EPS8L2: variants seen among roughly 807,000 people sequenced by gnomAD.
EPS8L2 encodes epidermal growth factor receptor kinase substrate 8-like protein 2.
Under a neutral mutation model 99.4 loss-of-function variants are expected in EPS8L2, and 81 were observed. The observed-to-expected ratio is 0.82, with a 90% CI of 0.68 to 0.98. EPS8L2 has a LOEUF of 0.98. EPS8L2 is among the 50% of genes least tolerant of loss of function. The pLI, the probability that EPS8L2 is intolerant of heterozygous loss-of-function variation, is 0.00. For missense variants in EPS8L2, 1,155 were observed against 968.8 expected, an observed-to-expected ratio of 1.19 and a Z score of -2.55; for synonymous variants, 509 against 407.3, an observed-to-expected ratio of 1.25 and a Z score of -3.01.
At position 721,481 on chromosome 11, in the gene EPS8L2, C is replaced by T. The variant is rs555838923; in HGVS notation, c.769-84C>T. On this transcript the variant is annotated intron_variant, in intron 9 of 20. Transcript: ENST00000318562. ...TCCGAAGGTGTGGGGCCCAGCTCCT[C>T]CCATCATCTGTGGGGCTGTCCCTGC... 2,301 of 1,505,152 alleles carry T rather than the reference C, an allele frequency of 1.5e-3. 2 individuals carry two copies. The highest frequency in any genetic ancestry group is 1.8e-3 in the Non-Finnish European group (2,081 of 1,128,078). The allele number at this position is 1,505,152 out of a possible 1,614,324, so 93.2% of individuals were successfully genotyped here.
rs1194912140 is a variant in EPS8L2, at chr11:724,580, C to G, written c.1455-144C>G. 1.6e-6 allele frequency: 1 copy of G among 634,092 alleles called. No individual in the cohort carries two copies. Among genetic ancestry groups the G allele is most frequent in the Non-Finnish European group, 2.8e-6 (1 of 353,582 alleles). The allele number at this position is 634,092 out of a possible 1,614,324, so 39.3% of individuals were successfully genotyped here. On this transcript the variant is annotated intron_variant, in intron 15 of 20. Transcript: ENST00000318562. This position sits in a 1 kb window ranked among gnomAD's most constrained non-coding sequence, Gnocchi z 5.5. Reference sequence around the variant, plus strand: ...AGTTTCCATTCCGGGCTGACGCTGCCTGCAGCCTCTCTCCACGGTGACCTC... The same window carrying G: ...AGTTTCCATTCCGGGCTGACGCTGCGTGCAGCCTCTCTCCACGGTGACCTC...
Position 725,784 on chromosome 11 carries a change from G to T in EPS8L2, c.1617G>T (p.Gly539=), listed in dbSNP as rs1862297870. Residue 539 remains glycine, a synonymous_variant, in exon 17 of 21, where the codon GGG becomes GGT. Transcript: ENST00000318562. Reference sequence around the variant, plus strand: ...TGCGCAGCCGCAGCGGCCAGGCGGGGTACGTGCCCTGCAACATCCTAGGCG... The same window carrying T: ...TGCGCAGCCGCAGCGGCCAGGCGGGTTACGTGCCCTGCAACATCCTAGGCG... The part of the protein sequence containing the change: ...WKLRSRSGQA[G]YVPCNILGEA... 2.2e-6 allele frequency: 3 copies of T among 1,372,710 alleles called. No individual in the cohort carries two copies. The highest frequency in any genetic ancestry group is 1.5e-5 in the African/African-American group (1 of 66,522). The allele number at this position is 1,372,710 out of a possible 1,614,324, so 85.0% of individuals were successfully genotyped here.
Position 726,161 on chromosome 11 carries a change from A to G in EPS8L2, c.1744A>G (p.Asn582Asp). 6.2e-7 allele frequency: 1 copy of G among 1,607,908 alleles called. No individual in the cohort carries two copies. Among genetic ancestry groups the G allele is most frequent in the Non-Finnish European group, 8.5e-7 (1 of 1,177,818 alleles). ...CAAGCTACCCCCAAGCTTCCCGGGG[A>G]ACAAAGACGGTGAGAGCTGCTGCTT... ...THKLPPSFPG[N>D]KDELMQHMDE... The change falls in exon 18 of 21, where the codon AAC (asparagine) becomes GAC (aspartate). Residue 582 changes from asparagine to aspartate, a missense_variant. Physicochemically the swap from Asn to Asp is conservative, Grantham distance 23 (BLOSUM62 1). Transcript: ENST00000318562.
Position 724,650 on chromosome 11 carries a change from GC to G in EPS8L2, c.1455-68del. On this transcript the variant is annotated intron_variant, in intron 15 of 20. Transcript: ENST00000318562. The surrounding 1 kb of genome is among the most constrained non-coding windows in gnomAD (Gnocchi z 5.5). ...CCAGTCGTGCACCTGGGAAGCTGCT[GC>G]CCCCCAGCCACTGCCCAGGTCTCAG... The G allele has an allele frequency of 9.7e-7, 1 of 1,035,626 alleles. No homozygotes were observed. Among genetic ancestry groups the G allele is most frequent in the South Asian group, 1.3e-5 (1 of 78,638 alleles). 64.2% of individuals were successfully genotyped at this position (1,035,626 alleles called of 1,614,324 possible).
chr11:713,698 C>T (rs1861946076), intron 4 of EPS8L2, among the ~76,000 whole-genome samples: 1 of 152,260 alleles, frequency 6.6e-6, no homozygotes, highest in Non-Finnish European at 1.5e-5. Context: ...GCACGCACCA[C>T]CACACCCAGC....
In EPS8L2 at chr11:720,154, G is replaced by A; in HGVS notation, c.258G>A (p.Lys86=). The part of the protein sequence containing the change: ...RKLVQLSSKE[K]IWTQEMLLQV... Reference sequence around the variant, plus strand: ...TGGTGCAGCTGAGCTCCAAGGAGAAGATCTGGACCCAGGAGATGCTGCTGC... The same window carrying A: ...TGGTGCAGCTGAGCTCCAAGGAGAAAATCTGGACCCAGGAGATGCTGCTGC... The change falls in exon 5 of 21, where the codon AAG becomes AAA. Residue 86 remains lysine, a synonymous_variant. Coordinates refer to ENST00000318562, the MANE Select transcript of EPS8L2 (RefSeq NM_022772.4). 2.5e-6 allele frequency: 4 copies of A among 1,613,494 alleles called. No homozygotes were observed. The highest frequency in any genetic ancestry group is 3.4e-6 in the Non-Finnish European group (4 of 1,179,954).
chr11:710,150 C>T (rs977025920), intron 3 of EPS8L2: 1 of 465,040 alleles, frequency 2.2e-6, no homozygotes, highest in Non-Finnish European at 3.9e-6. Context: ...GGACAGAAAC[C>T]CCCCGGGCAC....
chr11:707,741 G>A (rs1345308860), intron 1 of EPS8L2, among the ~76,000 whole-genome samples: 2 of 152,000 alleles, frequency 1.3e-5, no homozygotes, highest in Non-Finnish European at 2.9e-5. Flanking sequence ...GCAGGCAACC[G>A]AAGGCCAGGA....
Position 710,425 on chromosome 11 carries a change from A to G in EPS8L2, c.104A>G (p.Gln35Arg). ...AKMSPKDLFE[Q>R]RKKYSNSNVI... The stretch of plus-strand genomic sequence containing the variant: ...TGACTGGTGTCTCCCGGTTCAGAGC[A>G]GAGGAAGAAGTATTCCAACTCCAAC... Residue 35 changes from glutamine to arginine, a missense_variant, in exon 4 of 21, where the codon CAG (glutamine) becomes CGG (arginine). Physicochemically the swap from Gln to Arg is conservative, Grantham distance 43 (BLOSUM62 1). Coordinates refer to ENST00000318562, the MANE Select transcript of EPS8L2 (RefSeq NM_022772.4). 1 of 1,613,560 alleles carries G rather than the reference A, an allele frequency of 6.2e-7. No individual in the cohort carries two copies. The highest frequency in any genetic ancestry group is 1.7e-5 in the Admixed American group (1 of 60,032).
intron 6 of EPS8L2, 34 bp downstream of exon 6, chr11:720,780 CCGCCGCGCCG>C (rs756072469): frequency 1.3e-6 from 2 of 1,539,292 alleles, no homozygotes. Flanking sequence ...GGGTGGGGCC[CCGCCGCGCCG>C]CGCCCCGCCC....
At chr11:722,861 A>G in intron 14 of EPS8L2, 56 bp downstream of exon 14, 1 of 1,049,138 alleles carries the variant, frequency 9.5e-7, no homozygotes, top group African/African-American at 2.9e-5. Flanking sequence ...ACTCCTCACC[A>G]GAGCTCCCCC....
chr11:725,931 C>G (rs1862304474), intron 17 of EPS8L2, 84 bp downstream of exon 17: 1 of 1,382,480 alleles, frequency 7.2e-7, no homozygotes, highest in Non-Finnish European at 9.4e-7. Flanking sequence ...CCAAGGCCAG[C>G]CCCGCGGCTG....
intron 7 of EPS8L2, 44 bp downstream of exon 7, chr11:720,953 AGGAGCCCGGCAGGGGAGG>A: frequency 8.6e-7 from 1 of 1,168,578 alleles, no homozygotes; most frequent in Non-Finnish European, 1.2e-6. Flanking sequence ...CGGGGAGGGG[AGGAGCCCGGCAGGGGAGG>A]GGAGGAGCCG....
chr11:721,544 C>T (rs1862173828), intron 9 of EPS8L2, 21 bp from the exon 10 acceptor site: 1 of 1,533,334 alleles, frequency 6.5e-7, no homozygotes, highest in South Asian at 1.3e-5. Flanking sequence ...GGGGCTGACC[C>T]CTGACCCCCT....
At position 713,893 on chromosome 11, in the gene EPS8L2, G is replaced by C. The variant is rs1017529343; in HGVS notation, c.165+3407G>C. On this transcript the variant is annotated intron_variant, in intron 4 of 20. Coordinates refer to ENST00000318562, the MANE Select transcript of EPS8L2 (RefSeq NM_022772.4). ...GATGGGGTTTCACCATGTTGGCCAG[G>C]CTGGTCCCCAACGCCTGACCTCAAG... Among the ~76,000 whole-genome samples the C allele has an allele frequency of 7.9e-5, 12 of 152,024 alleles. 1 individual carries two copies. In the South Asian group the frequency reaches 1.9e-3, roughly 24 times the overall value.
intron 1 of EPS8L2, chr11:708,638 C>T (rs567767521): frequency 2.0e-5 from 3 of 152,492 alleles, no homozygotes; most frequent in African/African-American, 7.2e-5. Flanking sequence ...CATCCCTGCC[C>T]TCGAGGTGAG....
intron 7 of EPS8L2, 69 bp downstream of exon 7, chr11:720,978 G>GCCGGCAGGGGAGGGAGGGGAGGAGC: frequency 9.1e-7 from 1 of 1,097,672 alleles, no homozygotes; most frequent in East Asian, 2.7e-5. Flanking sequence ...GAGGGGAGGA[G>GCCGGCAGGGGAGGGAGGGGAGGAGC]CCGGCAGGGG....
chr11:724,778 C>A lies in EPS8L2; in HGVS notation c.1509C>A (p.Phe503Leu), dbSNP rs149900433. Residue 503 changes from phenylalanine to leucine, a missense_variant, in exon 16 of 21, where the codon TTC (phenylalanine) becomes TTA (leucine). Coordinates refer to ENST00000318562, the MANE Select transcript of EPS8L2 (RefSeq NM_022772.4). The surrounding 1 kb of genome is among the most constrained non-coding windows in gnomAD (Gnocchi z 5.5). ...AGTACGTCAAGATCCTGTATGACTT[C>A]ACAGCCCGAAATGCCAACGAGCTAT... ...MAKYVKILYD[F>L]TARNANELSV... 1.9e-6 allele frequency: 3 copies of A among 1,613,684 alleles called. No individual in the cohort carries two copies. The highest frequency in any genetic ancestry group is 2.5e-6 in the Non-Finnish European group (3 of 1,179,964).
rs780077834 is a variant in EPS8L2, at chr11:724,390, G to A, written c.1455-334G>A. Among the ~76,000 whole-genome samples the A allele has an allele frequency of 3.3e-5, 5 of 152,256 alleles. No individual in the cohort carries two copies. The highest frequency in any genetic ancestry group is 7.4e-5 in the Non-Finnish European group (5 of 68,002). On this transcript the variant is annotated intron_variant, in intron 15 of 20. Coordinates refer to ENST00000318562, the MANE Select transcript of EPS8L2 (RefSeq NM_022772.4). The surrounding 1 kb of genome is among the most constrained non-coding windows in gnomAD (Gnocchi z 5.5). ...AGCTGCGGGGAGCTGTGACCCTGGCGTTTCCCAGGAACGCCCCTGGCTCTG... is the reference window on the plus strand; with the variant it reads ...AGCTGCGGGGAGCTGTGACCCTGGCATTTCCCAGGAACGCCCCTGGCTCTG...
Sources: gnomAD v4.1 joint callset for allele counts (sites outside exome capture counted in the v4.1 genomes callset) on GRCh38, gnomAD v4.1.1 for gene constraint, Gnocchi (gnomAD v3.1) non-coding constraint, MANE v1.5 for transcripts, NCBI Gene and HGNC (gene_info 2026-07-23, HGNC 2026-07-21) for gene names.